SAA4: variants seen among roughly 807,000 people sequenced by gnomAD.
SAA4 encodes the protein serum amyloid A-4 protein.
A neutral mutation model predicts 11.2 loss-of-function variants in SAA4; 8 were observed. The ratio of observed to expected loss-of-function variants is 0.71; its 90% CI spans 0.42 to 1.29. The LOEUF is 1.29. Ranked by LOEUF, SAA4 falls within the 50% of genes most tolerant of loss-of-function variation. SAA4 has a pLI of 0.01. For synonymous variants in SAA4, 60 were observed against 56.2 expected (o/e 1.07, Z -0.30); for missense variants, 171 against 164.2 (o/e 1.04, Z -0.23).
chr11:18,235,784 C>T, intron 2 of SAA4, 52 bp downstream of exon 2: 1 of 1,580,696 alleles, frequency 6.3e-7, no homozygotes, highest in Non-Finnish European at 8.7e-7. Flanking sequence ...GTATGTGGCC[C>T]CTGCTCAGAA....
At chr11:18,236,038 C>A in intron 1 of SAA4, 108 bp from the exon 2 acceptor site, 2 of 1,100,920 alleles carry the variant, frequency 1.8e-6, no homozygotes. Flanking sequence ...CCTTTTCTTT[C>A]TTTCTCCTTC....
chr11:18,234,186 A>G (rs891996410), intron 2 of SAA4, among the ~76,000 whole-genome samples: 1 of 152,234 alleles, frequency 6.6e-6, no homozygotes, highest in African/African-American at 2.4e-5. Flanking sequence ...GATACAAAAG[A>G]CATATTCTGT....
chr11:18,233,940 A>G lies in SAA4; in HGVS notation c.92-1407T>C, dbSNP rs73424332. 8.0e-3 allele frequency among the ~76,000 whole-genome samples: 1,214 copies of G among 152,288 alleles called. 20 individuals are homozygous for G. Among genetic ancestry groups the G allele is most frequent in the African/African-American group, 0.028 (1,169 of 41,542 alleles). ...CATTTCCATTCCTGAGTGTATACCC[A>G]CAACAGAAACGAGGGCTTATGTACA... is the stretch of plus-strand genomic sequence containing the variant. On this transcript the variant is annotated intron_variant, in intron 2 of 3. Coordinates refer to ENST00000278222, the MANE Select transcript of SAA4 (RefSeq NM_006512.4).
chr11:18,236,439 G>A (rs865923043), intron 1 of SAA4, among the ~76,000 whole-genome samples: 2 of 152,080 alleles, frequency 1.3e-5, no homozygotes, highest in African/African-American at 4.8e-5. Flanking sequence ...AGATTGAAAC[G>A]GGTTTTAAGA....
intron 3 of SAA4, among the ~76,000 whole-genome samples, chr11:18,232,165 G>GAGCCCCTGCACCT (rs1554916870): frequency 5.9e-5 from 9 of 151,390 alleles, no homozygotes; most frequent in African/African-American, 2.4e-5. Context: ...TTACAGGTGT[G>GAGCCCCTGCACCT]AGCCCCTGCA....
chr11:18,231,405 C>G lies in SAA4; in HGVS notation c.*97G>C. On this transcript the variant is annotated 3_prime_UTR_variant, in exon 4 of 4. Coordinates refer to ENST00000278222, the MANE Select transcript of SAA4 (RefSeq NM_006512.4). ...CACCTCTAGGTGCCCTATACCAGTTCCTGGGGACACAAAGCTCAGTGACCC... is the reference window on the plus strand; with the variant it reads ...CACCTCTAGGTGCCCTATACCAGTTGCTGGGGACACAAAGCTCAGTGACCC... The G allele has an allele frequency of 2.0e-6, 3 of 1,527,508 alleles. No homozygotes were observed. The highest frequency in any genetic ancestry group is 2.6e-6 in the Non-Finnish European group (3 of 1,139,672). 94.6% of individuals were successfully genotyped at this position (1,527,508 alleles called of 1,614,324 possible). A position where few individuals can be genotyped will look rare whatever the true frequency, so the allele number is the denominator to read the frequency against.
intron 1 of SAA4, among the ~76,000 whole-genome samples, chr11:18,236,467 A>G (rs1283974752): frequency 6.6e-6 from 1 of 152,196 alleles, no homozygotes; most frequent in Non-Finnish European, 1.5e-5. Context: ...TAAACCCTTA[A>G]TTCTCAGCCC....
At chr11:18,231,876 C>CT (rs35974284) in intron 3 of SAA4, among the ~76,000 whole-genome samples, 1,648 of 70,462 alleles carry the variant, frequency 0.023, 53 homozygotes, top group African/African-American at 0.061. Flanking sequence ...AGTGCTTTCC[C>CT]TTTTTTTTTT....
At chr11:18,232,365 C>G (rs1857146667) in intron 3 of SAA4, 30 bp downstream of exon 3, 1 of 1,611,200 alleles carries the variant, frequency 6.2e-7, no homozygotes, top group Admixed American at 1.7e-5. Flanking sequence ...CTGCTGGCCT[C>G]TCACTGGAGT....
chr11:18,231,484 A>T lies in SAA4; in HGVS notation c.*18T>A. On this transcript the variant is annotated 3_prime_UTR_variant, in exon 4 of 4. Coordinates refer to ENST00000278222, the MANE Select transcript of SAA4 (RefSeq NM_006512.4). ...TGGCTCACAGCCCAGTTTCCCTGAG[A>T]GCAGAGGAGCAGGAAGCTCAGTATT... 6.2e-7 allele frequency: 1 copy of T among 1,607,904 alleles called. No individual in the cohort carries two copies. The highest frequency in any genetic ancestry group is 8.5e-7 in the Non-Finnish European group (1 of 1,177,948).
intron 3 of SAA4, 73 bp downstream of exon 3, chr11:18,232,322 A>C: frequency 6.4e-7 from 1 of 1,563,824 alleles, no homozygotes; most frequent in Non-Finnish European, 8.7e-7. Flanking sequence ...GGAAAGAGCC[A>C]CAGGTTCTCC....
intron 2 of SAA4, 95 bp from the exon 3 acceptor site, chr11:18,232,628 G>A: frequency 2.6e-6 from 4 of 1,516,380 alleles, no homozygotes; most frequent in Non-Finnish European, 3.5e-6. Flanking sequence ...TTTGGCCCTT[G>A]ACAAAATAAT....
chr11:18,231,725 A>G (rs1246164191), intron 3 of SAA4, 61 bp from the exon 4 acceptor site: 8 of 1,542,192 alleles, frequency 5.2e-6, no homozygotes, highest in Non-Finnish European at 6.1e-6. Flanking sequence ...CACCTGAGAC[A>G]GCTCCACCTG....
intron 1 of SAA4, 34 bp from the exon 2 acceptor site, chr11:18,235,964 T>TA (rs570793070): frequency 9.9e-4 from 1,508 of 1,523,730 alleles, no homozygotes; most frequent in South Asian, 2.1e-3. Flanking sequence ...CAGAGGATCA[T>TA]AAAAAAAAAC....
chr11:18,233,704 G>A (rs1399035371), intron 2 of SAA4, among the ~76,000 whole-genome samples: 5 of 147,734 alleles, frequency 3.4e-5, no homozygotes, highest in Non-Finnish European at 7.4e-5. Flanking sequence ...TGGTAGAGAT[G>A]GGGTCTCACT....
At position 18,231,816 on chromosome 11, in the gene SAA4, A is replaced by G. The variant is rs553634026; in HGVS notation, c.231-152T>C. ...CAAGGAAAGGGGAAGAAAACTATCA[A>G]TCTTCTTGGGCAAAGGCCTAAGTCT... On this transcript the variant is annotated intron_variant, in intron 3 of 3. Coordinates refer to ENST00000278222, the MANE Select transcript of SAA4 (RefSeq NM_006512.4). 1.9e-4 allele frequency: 183 copies of G among 987,070 alleles called. No homozygotes were observed. In the South Asian group the frequency reaches 2.8e-3, roughly 15 times the overall value. 61.1% of individuals were successfully genotyped at this position (987,070 alleles called of 1,614,324 possible).
intron 1 of SAA4, 110 bp downstream of exon 1, chr11:18,236,607 G>A (rs929226947): frequency 3.9e-5 from 6 of 152,094 alleles, no homozygotes; most frequent in African/African-American, 1.4e-4. Context: ...CACTGACCCC[G>A]TAATGAGGTA....
intron 1 of SAA4, 94 bp from the exon 2 acceptor site, chr11:18,236,024 T>C (rs561333048): frequency 7.1e-6 from 9 of 1,259,390 alleles, no homozygotes; most frequent in Non-Finnish European, 9.8e-6. Context: ...TTCTTTCTTT[T>C]TTTCCTTTTC....
At position 18,231,648 on chromosome 11, in the gene SAA4, G is replaced by T. The variant is rs531525096; in HGVS notation, c.247C>A (p.Leu83Ile). The change falls in exon 4 of 4, where the codon CTT becomes ATT. Residue 83 changes from leucine (L) to isoleucine (I), a missense_variant. Leu to Ile is a conservative substitution (Grantham distance 5). Coordinates refer to ENST00000278222, the MANE Select transcript of SAA4 (RefSeq NM_006512.4). ...AAATAGCAGTCTATTAATCCCTGAA[G>T]ATAGACCCTGGAACGGCTGCAACCC... ...AKLISRSRVYLQGLIDCYLFG... is the reference protein window; with the variant it reads ...AKLISRSRVYIQGLIDCYLFG... 1.9e-6 allele frequency: 3 copies of T among 1,613,236 alleles called. No homozygotes were observed. Among genetic ancestry groups the T allele is most frequent in the Admixed American group, 3.3e-5 (2 of 59,810 alleles).
Sources: allele counts gnomAD v4.1 joint callset (sites outside exome capture counted in the v4.1 genomes callset), GRCh38; gene constraint gnomAD v4.1.1; transcripts MANE v1.5; gene names NCBI Gene and HGNC (gene_info 2026-07-23, HGNC 2026-07-21).